Variants in TAFA4 observed in about 807,000 individuals in gnomAD.
The protein encoded by TAFA4 is chemokine-like protein TAFA-4.
Under a neutral mutation model 21.1 loss-of-function variants are expected in TAFA4, and 20 were observed. The ratio of observed to expected loss-of-function variants is 0.95; its 90% CI spans 0.67 to 1.38. The LOEUF (loss-of-function observed/expected upper bound fraction) is 1.38, where lower values mean the gene tolerates loss of function less well. Ranked by LOEUF, TAFA4 falls within the 40% of genes most tolerant of loss-of-function variation. The pLI is 0.00. For synonymous variants in TAFA4, 71 were observed against 67.4 expected (o/e 1.05, Z -0.26); for missense variants, 211 against 180.9 (o/e 1.17, Z -0.95).
chr3:68,783,917 T>C (rs1703202332), intron 3 of TAFA4, among the ~76,000 whole-genome samples: 2 of 152,170 alleles, frequency 1.3e-5, no homozygotes, highest in South Asian at 4.1e-4. Flanking sequence ...CTGTTTACTC[T>C]TGCAATAAAC....
intron 3 of TAFA4, among the ~76,000 whole-genome samples, chr3:68,873,681 C>T (rs1025727433): frequency 3.9e-5 from 6 of 152,162 alleles, no homozygotes; most frequent in Non-Finnish European, 8.8e-5. Context: ...TTCTCTAGCT[C>T]AAATCCAACC....
chr3:68,862,181 A>G (rs1400524579), intron 3 of TAFA4, among the ~76,000 whole-genome samples: 3 of 152,016 alleles, frequency 2.0e-5, no homozygotes, highest in Non-Finnish European at 4.4e-5. Flanking sequence ...AAGTTAGGGG[A>G]CTTGCTAAAG....
chr3:68,923,327 C>T (rs530636293), intron 1 of TAFA4, among the ~76,000 whole-genome samples: 2 of 152,276 alleles, frequency 1.3e-5, no homozygotes, highest in East Asian at 1.9e-4. Context: ...AGTGACTAAA[C>T]GTGCCTTCCT....
chr3:68,775,961 T>C (rs1034838716), intron 3 of TAFA4, among the ~76,000 whole-genome samples: 1 of 152,158 alleles, frequency 6.6e-6, no homozygotes, highest in Non-Finnish European at 1.5e-5. Context: ...GAGCAAGATC[T>C]TTGAAGTACT....
chr3:68,825,804 C>G (rs778287331), intron 3 of TAFA4, among the ~76,000 whole-genome samples: 32 of 152,136 alleles, frequency 2.1e-4, no homozygotes, highest in Non-Finnish European at 3.5e-4. Flanking sequence ...ATCTTGGATT[C>G]TATTGAAGAC....
intron 3 of TAFA4, among the ~76,000 whole-genome samples, chr3:68,797,469 C>T (rs1161876792): frequency 6.6e-6 from 1 of 151,794 alleles, no homozygotes; most frequent in African/African-American, 2.4e-5. Flanking sequence ...AAAAATTAGC[C>T]GGGCATGGTG....
At chr3:68,803,089 T>C (rs1175497780) in intron 3 of TAFA4, among the ~76,000 whole-genome samples, 2 of 152,194 alleles carry the variant, frequency 1.3e-5, no homozygotes, top group African/African-American at 2.4e-5. Flanking sequence ...ACTGAAAATG[T>C]CCTTCGTTGC....
Position 68,794,680 on chromosome 3 carries a change from C to G in TAFA4, c.131-41662G>C, listed in dbSNP as rs186375943. Among the ~76,000 whole-genome samples the G allele has an allele frequency of 5.3e-5, 8 of 152,206 alleles. No homozygotes were observed. In the East Asian group the frequency reaches 1.5e-3, roughly 29 times the overall value. ...CACAGTTGGCATCCCTGCCTGCAGC[C>G]CAATAAGCCAAGAAGACATCTCTGT... On this transcript the variant is annotated intron_variant, in intron 3 of 5. Transcript: ENST00000295569.
chr3:68,732,274 T>TAAAATCTTTTCATATA lies in TAFA4; in HGVS notation c.*852_*867dup, dbSNP rs1249207367. The TAAAATCTTTTCATATA allele has an allele frequency of 1.3e-5, 2 of 152,586 alleles. No homozygotes were observed. The highest frequency in any genetic ancestry group is 2.9e-5 in the Non-Finnish European group (2 of 68,020). 9.5% of individuals were successfully genotyped at this position (152,586 alleles called of 1,614,324 possible). On this transcript the variant is annotated 3_prime_UTR_variant, in exon 6 of 6. Transcript: ENST00000295569. ...CACTGAAAGACTCCTGTCTCGGAGT[T>TAAAATCTTTTCATATA]AAAATCTTTTCATATAATTGGCATA...
chr3:68,772,832 T>C (rs955774465), intron 3 of TAFA4, among the ~76,000 whole-genome samples: 1 of 152,106 alleles, frequency 6.6e-6, no homozygotes, highest in Non-Finnish European at 1.5e-5. Context: ...TAATCCCCTC[T>C]CATCCATCCA....
chr3:68,772,215 G>A (rs1702970805), intron 3 of TAFA4, among the ~76,000 whole-genome samples: 1 of 152,164 alleles, frequency 6.6e-6, no homozygotes, highest in East Asian at 1.9e-4. Context: ...TGGTAAATGA[G>A]TTCATTTATG....
chr3:68,739,523 C>A (rs1337646147), intron 4 of TAFA4, among the ~76,000 whole-genome samples: 1 of 152,170 alleles, frequency 6.6e-6, no homozygotes, highest in Non-Finnish European at 1.5e-5. Context: ...CTGAATCCAG[C>A]AATCCCACCC....
chr3:68,914,134 T>C (rs2107009980), intron 1 of TAFA4, among the ~76,000 whole-genome samples: 1 of 152,286 alleles, frequency 6.6e-6, no homozygotes, highest in South Asian at 2.1e-4. Flanking sequence ...AAAAAATAGA[T>C]GTTCAACACT....
intron 3 of TAFA4, among the ~76,000 whole-genome samples, chr3:68,871,989 C>T (rs78831210): frequency 0.02 from 3,095 of 152,112 alleles, 108 homozygotes; most frequent in African/African-American, 0.071. Flanking sequence ...GAAAACAATA[C>T]AGTGGTCCTT....
At position 68,732,795 on chromosome 3, in the gene TAFA4, G is replaced by C. The variant is rs1362552662; in HGVS notation, c.*347C>G. The C allele has an allele frequency of 7.6e-6, 2 of 261,940 alleles. No individual in the cohort carries two copies. Among genetic ancestry groups the C allele is most frequent in the Admixed American group, 1.0e-4 (2 of 19,454 alleles). The allele number at this position is 261,940 out of a possible 1,614,324, so 16.2% of individuals were successfully genotyped here. On this transcript the variant is annotated 3_prime_UTR_variant, in exon 6 of 6. Transcript: ENST00000295569. Reference sequence around the variant, plus strand: ...AGGACCCTTTGGAACATACATCCAAGTTCTTTTGTAAAAGCAGAAAGAAAG... The same window carrying C: ...AGGACCCTTTGGAACATACATCCAACTTCTTTTGTAAAAGCAGAAAGAAAG...
At chr3:68,862,354 A>C (rs2089355979) in intron 3 of TAFA4, among the ~76,000 whole-genome samples, 1 of 152,178 alleles carries the variant, frequency 6.6e-6, no homozygotes, top group Non-Finnish European at 1.5e-5. Context: ...CTCCAAGTTA[A>C]GAATCTAAGC....
At chr3:68,798,055 C>A (rs188098579) in intron 3 of TAFA4, among the ~76,000 whole-genome samples, 145 of 152,322 alleles carry the variant, frequency 9.5e-4, no homozygotes, top group Non-Finnish European at 1.6e-3. Flanking sequence ...CTTCATCCAG[C>A]TGTCATTCAC....
intron 1 of TAFA4, among the ~76,000 whole-genome samples, chr3:68,888,634 A>G (rs1286815950): frequency 6.6e-6 from 1 of 152,154 alleles, no homozygotes; most frequent in Non-Finnish European, 1.5e-5. Flanking sequence ...TCTATTTCTC[A>G]TAGTTCCAGA....
chr3:68,799,538 T>C (rs749734181), intron 3 of TAFA4, among the ~76,000 whole-genome samples: 3 of 152,154 alleles, frequency 2.0e-5, no homozygotes, highest in Non-Finnish European at 2.9e-5. Context: ...GCTTTGCAGT[T>C]GTGATTAAAT....
Sources: allele counts gnomAD v4.1 joint callset (sites outside exome capture counted in the v4.1 genomes callset), GRCh38; gene constraint gnomAD v4.1.1; transcripts MANE v1.5; gene names NCBI Gene and HGNC (gene_info 2026-07-23, HGNC 2026-07-21).